CNTN5: variants seen among roughly 807,000 people sequenced by gnomAD.
CNTN5 encodes contactin-5.
In CNTN5, 77 loss-of-function variants were observed where a neutral mutation model predicts 129.1. The ratio of observed to expected loss-of-function variants is 0.60; its 90% CI spans 0.50 to 0.72. CNTN5 has a LOEUF of 0.72. Ranked by LOEUF, CNTN5 falls within the 30% of genes least tolerant of loss-of-function variation. The pLI is 0.00. For missense variants in CNTN5, 1,478 were observed against 1,328.8 expected (o/e 1.11, Z -1.75); for synonymous variants, 509 against 465.6 (o/e 1.09, Z -1.20).
chr11:99,703,421 A>G (rs1207620862), intron 3 of CNTN5, among the ~76,000 whole-genome samples: 2 of 150,636 alleles, frequency 1.3e-5, no homozygotes, highest in African/African-American at 4.8e-5. Context: ...TTTTCATTGC[A>G]TAAATGTTTC....
chr11:99,775,357 G>A (rs180867829), intron 3 of CNTN5, among the ~76,000 whole-genome samples: 1 of 151,712 alleles, frequency 6.6e-6, no homozygotes, highest in Non-Finnish European at 1.5e-5. Flanking sequence ...ATTTCCTGGG[G>A]ATAAATGGTT....
chr11:99,247,156 G>C (rs1861852250), intron 1 of CNTN5, among the ~76,000 whole-genome samples: 1 of 152,114 alleles, frequency 6.6e-6, no homozygotes. Flanking sequence ...ATTTTCTGGA[G>C]TTATTAGCAT....
At chr11:100,097,967 G>A (rs1591238508) in intron 13 of CNTN5, among the ~76,000 whole-genome samples, 2 of 150,524 alleles carry the variant, frequency 1.3e-5, no homozygotes, top group East Asian at 1.9e-4. Flanking sequence ...TTAAATCGGG[G>A]AGTTTTTTTT....
intron 2 of CNTN5, among the ~76,000 whole-genome samples, chr11:99,436,317 A>G (rs993317902): frequency 6.6e-6 from 1 of 152,166 alleles, no homozygotes; most frequent in African/African-American, 2.4e-5. Context: ...TCCATTTCAC[A>G]TATGAATAAA....
At chr11:99,327,595 T>A (rs58240371) in intron 2 of CNTN5, among the ~76,000 whole-genome samples, 2,065 of 152,248 alleles carry the variant, frequency 0.014, 40 homozygotes, top group African/African-American at 0.046. Flanking sequence ...TAGGAAGCAA[T>A]TGAAGCAAAT....
intron 18 of CNTN5, among the ~76,000 whole-genome samples, chr11:100,284,494 T>A (rs1950722431): frequency 6.6e-6 from 1 of 152,222 alleles, no homozygotes; most frequent in Admixed American, 6.5e-5. Flanking sequence ...ATACTTTCTC[T>A]ATTATTTAAA....
At chr11:99,753,503 T>C (rs903880105) in intron 3 of CNTN5, among the ~76,000 whole-genome samples, 28 of 151,488 alleles carry the variant, frequency 1.8e-4, no homozygotes, top group African/African-American at 5.6e-4. Context: ...TAAAATAAGA[T>C]CTAAATGTCC....
At chr11:100,057,106 T>C (rs1943264601) in intron 9 of CNTN5, among the ~76,000 whole-genome samples, 1 of 150,862 alleles carries the variant, frequency 6.6e-6, no homozygotes, top group Admixed American at 6.6e-5. Flanking sequence ...GCATAAAAGA[T>C]AGTCATATGA....
At chr11:100,085,500 C>A (rs1565225895) in intron 13 of CNTN5, among the ~76,000 whole-genome samples, 1 of 151,878 alleles carries the variant, frequency 6.6e-6, no homozygotes, top group Admixed American at 6.6e-5. Flanking sequence ...GACACTATGC[C>A]AGTTCATACC....
chr11:100,013,658 C>T (rs923175057), intron 9 of CNTN5, among the ~76,000 whole-genome samples: 1 of 152,140 alleles, frequency 6.6e-6, no homozygotes, highest in African/African-American at 2.4e-5. Context: ...TGAACTCTCA[C>T]AGTCTTGGAT....
chr11:99,910,511 A>T lies in CNTN5; in HGVS notation c.578-5543A>T, dbSNP rs1421306888. On this transcript the variant is annotated intron_variant, in intron 6 of 24. Transcript: ENST00000524871. ...CTTTAATAAGATGTCCTTATTGAAG[A>T]TTATTTTAAAATTCCTAAAATTAGT... Among the ~76,000 whole-genome samples the T allele has an allele frequency of 3.3e-5, 5 of 152,086 alleles. No individual in the cohort carries two copies. The East Asian group carries it at 9.6e-4, about 29-fold the overall frequency.
chr11:99,856,392 A>C (rs1211215301), intron 6 of CNTN5, among the ~76,000 whole-genome samples: 2 of 152,120 alleles, frequency 1.3e-5, no homozygotes, highest in African/African-American at 4.8e-5. Flanking sequence ...ATCTTTCACA[A>C]CTTTCTTAGA....
chr11:99,380,845 G>C (rs1250704707), intron 2 of CNTN5, among the ~76,000 whole-genome samples: 2 of 151,624 alleles, frequency 1.3e-5, no homozygotes, highest in Non-Finnish European at 2.9e-5. Flanking sequence ...TACCACCTGA[G>C]GAGGACCAGA....
At chr11:99,717,079 C>T (rs569465493) in intron 3 of CNTN5, among the ~76,000 whole-genome samples, 5 of 151,936 alleles carry the variant, frequency 3.3e-5, no homozygotes, top group Admixed American at 2.0e-4. Context: ...TCTATAGAAT[C>T]GGAACCCACA....
chr11:99,636,154 A>G (rs1310144097), intron 3 of CNTN5, among the ~76,000 whole-genome samples: 1 of 152,070 alleles, frequency 6.6e-6, no homozygotes, highest in East Asian at 1.9e-4. Context: ...ATACCAATGG[A>G]CACTTCATAA....
intron 2 of CNTN5, among the ~76,000 whole-genome samples, chr11:99,416,308 T>C (rs927132456): frequency 1.3e-5 from 2 of 152,080 alleles, no homozygotes; most frequent in African/African-American, 4.8e-5. Context: ...GACAAGGTTT[T>C]GTTCTGTCAC....
chr11:99,723,437 G>A (rs1420920208), intron 3 of CNTN5, among the ~76,000 whole-genome samples: 2 of 151,964 alleles, frequency 1.3e-5, no homozygotes, highest in East Asian at 3.9e-4. Flanking sequence ...ATCATTTAAT[G>A]CCTTTGCATC....
intron 3 of CNTN5, among the ~76,000 whole-genome samples, chr11:99,815,296 A>G (rs563958621): frequency 6.6e-6 from 1 of 151,160 alleles, no homozygotes; most frequent in African/African-American, 2.4e-5. Context: ...AGTCCTATCA[A>G]TGAAACAACA....
intron 13 of CNTN5, among the ~76,000 whole-genome samples, chr11:100,149,959 A>G (rs1947000701): frequency 6.6e-6 from 1 of 151,948 alleles, no homozygotes; most frequent in African/African-American, 2.4e-5. Flanking sequence ...CTCAAAATTT[A>G]TGTAGTGCAC....
Sources: allele counts gnomAD v4.1 joint callset (sites outside exome capture counted in the v4.1 genomes callset), GRCh38; gene constraint gnomAD v4.1.1; transcripts MANE v1.5; gene names NCBI Gene and HGNC (gene_info 2026-07-23, HGNC 2026-07-21).